The following MAML2 variants were observed in gnomAD, a reference collection of about 807,000 sequenced individuals.
MAML2 encodes the protein mastermind like transcriptional coactivator 2.
In MAML2, 22 loss-of-function variants were observed where a neutral mutation model predicts 96.1. The ratio of observed to expected loss-of-function variants is 0.23; its 90% CI spans 0.16 to 0.33. The LOEUF is 0.33. Among genes scored for constraint, MAML2 ranks in the 10% least tolerant of loss-of-function variants. The pLI is 1.00. For missense variants in MAML2, 1,367 were observed against 1,392.4 expected, an observed-to-expected ratio of 0.98 and a Z score of 0.29; for synonymous variants, 561 against 521.3, an observed-to-expected ratio of 1.08 and a Z score of -1.04.
At chr11:96,295,346 A>G (rs1863278171) in intron 1 of MAML2, among the ~76,000 whole-genome samples, 1 of 152,346 alleles carries the variant, frequency 6.6e-6, no homozygotes, top group South Asian at 2.1e-4. Context: ...ATAGGAATGA[A>G]CTAGCATTTT....
At chr11:96,011,560 A>G (rs1858267178) in intron 2 of MAML2, among the ~76,000 whole-genome samples, 1 of 151,946 alleles carries the variant, frequency 6.6e-6, no homozygotes, top group African/African-American at 2.4e-5. Flanking sequence ...GACACTGGGG[A>G]CTCCAAAAGG....
intron 1 of MAML2, among the ~76,000 whole-genome samples, chr11:96,304,684 G>A (rs561897329): frequency 6.7e-6 from 1 of 149,694 alleles, no homozygotes; most frequent in East Asian, 1.9e-4. Context: ...ACATCTGCAA[G>A]TAATGAATGT....
At chr11:96,227,509 T>C (rs1211297696) in intron 1 of MAML2, among the ~76,000 whole-genome samples, 2 of 152,176 alleles carry the variant, frequency 1.3e-5, no homozygotes, top group African/African-American at 4.8e-5. Flanking sequence ...AATGAATAAA[T>C]GAGCAGTATA....
At position 95,979,198 on chromosome 11, in the gene MAML2, G is replaced by C. The variant is rs372556150; in HGVS notation, c.3221C>G (p.Thr1074Arg). The C allele has an allele frequency of 1.9e-6, 3 of 1,613,848 alleles. No individual in the cohort carries two copies. The highest frequency in any genetic ancestry group is 1.1e-5 in the South Asian group (1 of 91,086). Residue 1074 changes from threonine to arginine, a missense_variant, in exon 5 of 5, where the codon ACG becomes AGG. By Grantham distance (71) the Thr-to-Arg change is moderately conservative (BLOSUM62 -1). Transcript: ENST00000524717. Reference sequence around the variant, plus strand: ...CAGGGATGGTGGCTGGTTGATGCCCGTCCTCGACTGATTCAACCCTGTTCC... The same window carrying C: ...CAGGGATGGTGGCTGGTTGATGCCCCTCCTCGACTGATTCAACCCTGTTCC... Reference protein sequence around the residue: ...QSGTGLNQSRTGINQPPSLTP... With the variant: ...QSGTGLNQSRRGINQPPSLTP...
At chr11:96,301,876 A>G (rs10466372) in intron 1 of MAML2, among the ~76,000 whole-genome samples, 4,510 of 152,302 alleles carry the variant, frequency 0.03, 220 homozygotes, top group African/African-American at 0.1. Flanking sequence ...TTTTATAATT[A>G]GTATTACCTG....
intron 1 of MAML2, among the ~76,000 whole-genome samples, chr11:96,195,062 T>C (rs147973759): frequency 6.6e-6 from 1 of 152,366 alleles, no homozygotes; most frequent in African/African-American, 2.4e-5. Context: ...TTGAACAGTA[T>C]AGACATCTAA....
At chr11:96,145,263 C>A (rs1860798153) in intron 1 of MAML2, among the ~76,000 whole-genome samples, 1 of 152,142 alleles carries the variant, frequency 6.6e-6, no homozygotes, top group Non-Finnish European at 1.5e-5. Flanking sequence ...TTGAGGAAGA[C>A]CATGAGCCGC....
At chr11:96,022,079 C>T (rs546889801) in intron 2 of MAML2, among the ~76,000 whole-genome samples, 2 of 152,310 alleles carry the variant, frequency 1.3e-5, no homozygotes, top group Admixed American at 1.3e-4. Flanking sequence ...AGCTGCCTTG[C>T]CTAGGGCTGG....
At chr11:96,237,400 C>T (rs533470192) in intron 1 of MAML2, among the ~76,000 whole-genome samples, 5 of 152,206 alleles carry the variant, frequency 3.3e-5, no homozygotes, top group South Asian at 2.1e-4. Flanking sequence ...TACTGCCTAT[C>T]GCACAATTAA....
intron 1 of MAML2, among the ~76,000 whole-genome samples, chr11:96,208,783 G>A (rs1390058235): frequency 1.3e-5 from 2 of 152,064 alleles, no homozygotes; most frequent in South Asian, 2.1e-4. Context: ...GAGGCACCAG[G>A]GAAAGGTGAA....
chr11:96,269,144 T>C (rs1862874697), intron 1 of MAML2, among the ~76,000 whole-genome samples: 1 of 144,674 alleles, frequency 6.9e-6, no homozygotes, highest in Admixed American at 7.3e-5. Flanking sequence ...GCACAGACTT[T>C]TGAGAAATTT....
intron 1 of MAML2, among the ~76,000 whole-genome samples, chr11:96,339,034 A>G (rs1565288393): frequency 6.6e-6 from 1 of 152,174 alleles, no homozygotes; most frequent in Non-Finnish European, 1.5e-5. Flanking sequence ...TTAGCAGCTA[A>G]AATGGAGAGG....
At chr11:96,326,795 C>CA (rs889406685) in intron 1 of MAML2, among the ~76,000 whole-genome samples, 128 of 142,964 alleles carry the variant, frequency 9.0e-4, no homozygotes, top group Admixed American at 2.7e-3. Context: ...AATAACAAAA[C>CA]AAAAAAAAAA....
chr11:96,111,632 T>C (rs1040150710), intron 1 of MAML2, among the ~76,000 whole-genome samples: 2 of 152,254 alleles, frequency 1.3e-5, no homozygotes, highest in African/African-American at 4.8e-5. Flanking sequence ...TGTGAGGTTT[T>C]TAAGTAAGAT....
intron 1 of MAML2, among the ~76,000 whole-genome samples, chr11:96,234,404 C>A (rs564766093): frequency 1.3e-5 from 2 of 152,312 alleles, no homozygotes; most frequent in East Asian, 3.9e-4. Context: ...TCACTTGAAC[C>A]CGGGAGGCGG....
At chr11:96,265,957 C>T in intron 1 of MAML2, among the ~76,000 whole-genome samples, 1 of 152,228 alleles carries the variant, frequency 6.6e-6, no homozygotes, top group Non-Finnish European at 1.5e-5. Flanking sequence ...AGAAAGCCCT[C>T]TGTCTTTGCC....
intron 1 of MAML2, among the ~76,000 whole-genome samples, chr11:96,094,012 C>G (rs1345429480): frequency 2.0e-5 from 3 of 152,090 alleles, no homozygotes; most frequent in Non-Finnish European, 4.4e-5. Context: ...CAGACCCAAC[C>G]CCTTCATCAC....
chr11:96,020,851 A>G (rs977409556), intron 2 of MAML2, among the ~76,000 whole-genome samples: 1 of 152,206 alleles, frequency 6.6e-6, no homozygotes. Flanking sequence ...CTCCCTTTCA[A>G]ACTGAATTAC....
intron 2 of MAML2, among the ~76,000 whole-genome samples, chr11:96,071,679 A>T (rs1331678218): frequency 6.6e-6 from 1 of 152,226 alleles, no homozygotes; most frequent in Non-Finnish European, 1.5e-5. Context: ...ATGGACTGGT[A>T]GACTGAAAAG....
Sources: allele counts gnomAD v4.1 joint callset (sites outside exome capture counted in the v4.1 genomes callset), GRCh38; gene constraint gnomAD v4.1.1; transcripts MANE v1.5; gene names NCBI Gene and HGNC (gene_info 2026-07-23, HGNC 2026-07-21).